The following CYBA variants were observed in gnomAD, a reference collection of about 807,000 sequenced individuals.
CYBA encodes cytochrome b-245 light chain.
In CYBA, 21 loss-of-function variants were observed where a neutral mutation model predicts 20.8. The ratio of observed to expected loss-of-function variants is 1.01; its 90% CI spans 0.72 to 1.46. The LOEUF (loss-of-function observed/expected upper bound fraction) is 1.46, where lower values mean the gene tolerates loss of function less well. CYBA is among the 40% of genes most tolerant of loss of function. The pLI is 0.00. For synonymous variants in CYBA, 164 were observed against 127.5 expected (o/e 1.29, Z -1.93); for missense variants, 344 against 287.0 (o/e 1.20, Z -1.43).
rs1260396493 is a variant in CYBA at position 88,650,980 on chromosome 16, C to G, written c.34G>C (p.Glu12Gln). Residue 12 changes from glutamate (E) to glutamine (Q), a missense_variant, in exon 1 of 6, where the codon GAA becomes CAA. Transcript: ENST00000261623. Reference sequence around the variant, plus strand: ...CTCAGGCCGGACGCCAGCGCCTGTTCGTTGGCCCACATGGCCCACTCGATC... The same window carrying G: ...CTCAGGCCGGACGCCAGCGCCTGTTGGTTGGCCCACATGGCCCACTCGATC... ...GQIEWAMWAN[E>Q]QALASGLILI... 1.3e-6 allele frequency: 2 copies of G among 1,596,692 alleles called. No homozygotes were observed. Among genetic ancestry groups the G allele is most frequent in the Non-Finnish European group, 1.7e-6 (2 of 1,173,028 alleles).
At position 88,646,142 on chromosome 16, in the gene CYBA, C is replaced by T; in HGVS notation, c.343G>A (p.Ala115Thr). ...AGTAGGTAGATGCCGCTCGCAATGG[C>T]CAGGCAGGCGGTCCCAAGGATGGTG... ...LATILGTACLAIASGIYLLAA... is the reference protein window; with the variant it reads ...LATILGTACLTIASGIYLLAA... Residue 115 changes from alanine to threonine, a missense_variant, in exon 5 of 6, where the codon GCC (alanine) becomes ACC (threonine). Physicochemically the swap from Ala to Thr is moderately conservative, Grantham distance 58 (BLOSUM62 0). Coordinates refer to ENST00000261623, the MANE Select transcript of CYBA (RefSeq NM_000101.4). The T allele has an allele frequency of 6.4e-7, 1 of 1,558,540 alleles. No homozygotes were observed.
At chr16:88,648,152 G>C (rs561092122) in intron 1 of CYBA, 38 bp from the exon 2 acceptor site, 2 of 1,580,340 alleles carry the variant, frequency 1.3e-6, no homozygotes, top group Non-Finnish European at 1.7e-6. Flanking sequence ...TGGGGCTCCC[G>C]TCCCGGGGGC....
At chr16:88,650,763 C>T (rs1907492108) in intron 1 of CYBA, 193 bp downstream of exon 1, 2 of 639,036 alleles carry the variant, frequency 3.1e-6, no homozygotes, top group Non-Finnish European at 5.6e-6. Context: ...TACTGGGGGT[C>T]TCAGAACTCC....
chr16:88,646,515 C>G, intron 4 of CYBA: 1 of 698,562 alleles, frequency 1.4e-6, no homozygotes, highest in Non-Finnish European at 2.6e-6. Flanking sequence ...GCAGTGCATG[C>G]TGACCCCAGA....
intron 4 of CYBA, chr16:88,646,468 C>T (rs1907286309): frequency 4.3e-6 from 3 of 696,740 alleles, no homozygotes; most frequent in Admixed American, 4.0e-5. Flanking sequence ...AGCACGGAAC[C>T]CTCCACCCTA....
intron 1 of CYBA, among the ~76,000 whole-genome samples, chr16:88,648,865 C>T (rs892033580): frequency 2.6e-4 from 39 of 152,058 alleles, no homozygotes; most frequent in African/African-American, 8.2e-4. Context: ...GGAATCCGCC[C>T]GCCTTGGCCT....
chr16:88,644,190 A>G (rs1251350080), intron 5 of CYBA, among the ~76,000 whole-genome samples: 1 of 152,232 alleles, frequency 6.6e-6, no homozygotes, highest in East Asian at 1.9e-4. Context: ...TGGTGGAAAA[A>G]TATGTCACAT....
chr16:88,645,912 G>T (rs777548546), intron 5 of CYBA: 12 of 599,302 alleles, frequency 2.0e-5, no homozygotes, highest in East Asian at 8.3e-5. Flanking sequence ...GCAAGGAAAT[G>T]ACCCGACACA....
Position 88,643,458 on chromosome 16 carries a change from G to A in CYBA, c.483C>T (p.Ala161=), listed in dbSNP as rs376631447. Residue 161 remains alanine, a synonymous_variant, in exon 6 of 6, where the codon GCC becomes GCT. Coordinates refer to ENST00000261623, the MANE Select transcript of CYBA (RefSeq NM_000101.4). This position sits in a 1 kb window ranked among gnomAD's most constrained non-coding sequence, Gnocchi z 4.3. ...CCTCGCTGGGCTTCTTGCGGGCCTC[G>A]GCCGGGGGCCGCGGCGGGGGGTTGC... The part of the protein sequence containing the change: ...PPSNPPPRPP[A]EARKKPSEEE... 2.0e-5 allele frequency: 31 copies of A among 1,532,998 alleles called. No homozygotes were observed. The highest frequency in any genetic ancestry group is 2.5e-5 in the East Asian group (1 of 40,418). 95.0% of individuals were successfully genotyped at this position (1,532,998 alleles called of 1,614,324 possible). A position where few individuals can be genotyped will look rare whatever the true frequency, so the allele number is the denominator to read the frequency against.
At position 88,643,438 on chromosome 16, in the gene CYBA, C is replaced by A; in HGVS notation, c.503G>T (p.Ser168Ile). 6.5e-7 allele frequency: 1 copy of A among 1,535,432 alleles called. No individual in the cohort carries two copies. Among genetic ancestry groups the A allele is most frequent in the Non-Finnish European group, 8.7e-7 (1 of 1,144,022 alleles). The change falls in exon 6 of 6, where the codon AGC becomes ATC. Residue 168 changes from serine (S) to isoleucine (I), a missense_variant. Physicochemically the swap from Ser to Ile is moderately radical, Grantham distance 142 (BLOSUM62 -2). Transcript: ENST00000261623. This position sits in a 1 kb window ranked among gnomAD's most constrained non-coding sequence, Gnocchi z 4.3. Reference sequence around the variant, plus strand: ...CGCCGCCACCGCAGCCTCCTCCTCGCTGGGCTTCTTGCGGGCCTCGGCCGG... The same window carrying A: ...CGCCGCCACCGCAGCCTCCTCCTCGATGGGCTTCTTGCGGGCCTCGGCCGG... ...RPPAEARKKP[S>I]EEEAAVAAGG... is the part of the protein sequence containing the mutation.
rs548701722 is a variant in CYBA, at chr16:88,650,733, C to T, written c.58+223G>A. ...GGAATGGGGGAGGGGCGCCGCGCTC[C>T]GCAGGGTCTGCAAGGGAATTACTGG... On this transcript the variant is annotated intron_variant, in intron 1 of 5. Coordinates refer to ENST00000261623, the MANE Select transcript of CYBA (RefSeq NM_000101.4). 10 of 616,396 alleles carry T rather than the reference C, an allele frequency of 1.6e-5. No homozygotes were observed. The East Asian group carries it at 2.7e-4, about 17-fold the overall frequency. 38.2% of individuals were successfully genotyped at this position (616,396 alleles called of 1,614,324 possible). A position where few individuals can be genotyped will look rare whatever the true frequency, so the allele number is the denominator to read the frequency against.
chr16:88,645,723 G>T (rs747486296), intron 5 of CYBA: 6 of 543,774 alleles, frequency 1.1e-5, no homozygotes, highest in Non-Finnish European at 1.7e-5. Context: ...CCATGAATCA[G>T]CGCGAATAGG....
intron 5 of CYBA, among the ~76,000 whole-genome samples, chr16:88,644,111 G>A (rs72558343): frequency 1.3e-5 from 2 of 152,352 alleles, no homozygotes; most frequent in East Asian, 3.9e-4. Flanking sequence ...GCCCATGCCC[G>A]GAGGTTCCAC....
At chr16:88,644,821 T>C (rs777965428) in intron 5 of CYBA, 70 of 301,652 alleles carry the variant, frequency 2.3e-4, no homozygotes, top group Admixed American at 9.6e-5. Flanking sequence ...CGAGACTCCA[T>C]CTCAAAAAAA....
intron 1 of CYBA, 50 bp downstream of exon 1, chr16:88,650,906 T>C (rs1158104738): frequency 6.5e-7 from 1 of 1,546,798 alleles, no homozygotes; most frequent in African/African-American, 1.4e-5. Context: ...GCTGGGGTCT[T>C]GGGACACCCC....
chr16:88,649,782 C>G (rs771755134), intron 1 of CYBA, among the ~76,000 whole-genome samples: 1 of 152,224 alleles, frequency 6.6e-6, no homozygotes, highest in Non-Finnish European at 1.5e-5. Context: ...CAGTCTGGCT[C>G]TAACTCTTCG....
chr16:88,646,281 CA>C, intron 4 of CYBA, 84 bp from the exon 5 acceptor site: 1 of 442,764 alleles, frequency 2.3e-6, no homozygotes, highest in Non-Finnish European at 3.0e-6. Flanking sequence ...GCCAAGGCCA[CA>C]AAGTCTCAGG....
At chr16:88,647,354 C>T (rs984316638) in intron 2 of CYBA, among the ~76,000 whole-genome samples, 179 bp from the exon 3 acceptor site, 3 of 152,176 alleles carry the variant, frequency 2.0e-5, no homozygotes, top group Non-Finnish European at 4.4e-5. Context: ...CCAGCCTGGG[C>T]AACATAGTGA....
At chr16:88,645,882 G>A in intron 5 of CYBA, 2 of 588,864 alleles carry the variant, frequency 3.4e-6, no homozygotes, top group Non-Finnish European at 3.0e-6. Flanking sequence ...CAGGGCTGTG[G>A]TGCGGGTTAA....
Sources: allele counts gnomAD v4.1 joint callset (sites outside exome capture counted in the v4.1 genomes callset), GRCh38; gene constraint gnomAD v4.1.1; non-coding constraint Gnocchi (gnomAD v3.1); transcripts MANE v1.5; gene names NCBI Gene and HGNC (gene_info 2026-07-23, HGNC 2026-07-21).